The following CTNNA2 variants were observed in gnomAD, a reference collection of about 807,000 sequenced individuals.
CTNNA2 encodes the protein catenin alpha-2.
In CTNNA2, 42 loss-of-function variants were observed where a neutral mutation model predicts 101.0. That is an observed-to-expected ratio of 0.42 (90% confidence interval 0.32 to 0.54). The LOEUF is 0.54. Ranked by LOEUF, CTNNA2 falls within the 20% of genes least tolerant of loss-of-function variation. The pLI is 0.14. For synonymous variants in CTNNA2, 450 were observed against 456.4 expected, an observed-to-expected ratio of 0.99 and a Z score of 0.18; for missense variants, 871 against 1,223.1, an observed-to-expected ratio of 0.71 and a Z score of 4.29.
intron 2 of CTNNA2, among the ~76,000 whole-genome samples, chr2:79,723,089 G>T (rs1411850957): frequency 1.3e-5 from 2 of 152,050 alleles, no homozygotes; most frequent in Non-Finnish European, 2.9e-5. Context: ...TTTAAGTTTT[G>T]CTTTAGTATT....
chr2:79,529,393 AAGAGCTTACAGG>A (rs148964540), intron 1 of CTNNA2, among the ~76,000 whole-genome samples: 3,392 of 152,256 alleles, frequency 0.022, 135 homozygotes, highest in African/African-American at 0.078. Context: ...GTAAAATATG[AAGAGCTTACAGG>A]ACATCCAGAT....
chr2:79,785,703 C>T (rs191780128), intron 3 of CTNNA2, among the ~76,000 whole-genome samples: 1 of 151,860 alleles, frequency 6.6e-6, no homozygotes, highest in Non-Finnish European at 1.5e-5. Context: ...ATTTTCAGTG[C>T]CTAGAGAAGT....
intron 2 of CTNNA2, among the ~76,000 whole-genome samples, chr2:79,288,576 C>T (rs142371344): frequency 1.3e-5 from 2 of 152,252 alleles, no homozygotes; most frequent in Non-Finnish European, 2.9e-5. Context: ...CTCTCTCTCT[C>T]CCTCTCTCTT....
intron 3 of CTNNA2, among the ~76,000 whole-genome samples, chr2:79,331,186 C>T (rs778845089): frequency 6.6e-6 from 1 of 152,130 alleles, no homozygotes; most frequent in Non-Finnish European, 1.5e-5. Context: ...ATCTGCTCAT[C>T]TCAAATGGCT....
intron 7 of CTNNA2, among the ~76,000 whole-genome samples, chr2:80,384,410 C>T (rs1229531469): frequency 6.7e-6 from 1 of 148,560 alleles, no homozygotes; most frequent in Non-Finnish European, 1.5e-5. Context: ...TATCCCCGAA[C>T]CTCAAAGTTA....
At chr2:79,369,228 A>G (rs1376312880) in intron 3 of CTNNA2, among the ~76,000 whole-genome samples, 3 of 152,182 alleles carry the variant, frequency 2.0e-5, no homozygotes, top group Non-Finnish European at 4.4e-5. Context: ...GATAAAAACA[A>G]GAGCCATTTT....
chr2:80,576,181 A>G (rs1158073788), intron 13 of CTNNA2: 8 of 152,088 alleles, frequency 5.3e-5, no homozygotes, highest in African/African-American at 1.7e-4. Context: ...AGGATCCTGA[A>G]GGGTCAAATT....
At chr2:79,797,143 G>T (rs1004216095) in intron 3 of CTNNA2, among the ~76,000 whole-genome samples, 1 of 152,134 alleles carries the variant, frequency 6.6e-6, no homozygotes, top group Non-Finnish European at 1.5e-5. Flanking sequence ...GTAGGAAATA[G>T]GCTTTTTGTT....
rs777094292 is a variant in CTNNA2, at chr2:80,647,915, C to G, written c.*43C>G. On this transcript the variant is annotated 3_prime_UTR_variant, in exon 19 of 19. Coordinates refer to ENST00000402739, the MANE Select transcript of CTNNA2 (RefSeq NM_001282597.3). ...AGAAAGCTTTTTCTTTCTTTTCTTT[C>G]TTTCTTTTTCTTTTTAATTCCATTT... 2.0e-6 allele frequency: 3 copies of G among 1,515,860 alleles called. No individual in the cohort carries two copies. The highest frequency in any genetic ancestry group is 2.6e-6 in the Non-Finnish European group (3 of 1,132,192). 93.9% of individuals were successfully genotyped at this position (1,515,860 alleles called of 1,614,324 possible). A position where few individuals can be genotyped will look rare whatever the true frequency, so the allele number is the denominator to read the frequency against.
intron 7 of CTNNA2, among the ~76,000 whole-genome samples, chr2:80,193,927 T>G (rs1470310678): frequency 2.0e-5 from 3 of 152,148 alleles, no homozygotes; most frequent in Non-Finnish European, 4.4e-5. Context: ...TAAAACAAAA[T>G]CAAAAGGTGT....
chr2:79,290,385 C>T (rs960696931), intron 2 of CTNNA2, among the ~76,000 whole-genome samples: 2 of 152,104 alleles, frequency 1.3e-5, no homozygotes, highest in African/African-American at 4.8e-5. Flanking sequence ...GGGAAGGAAA[C>T]GGAGTGGTCC....
intron 7 of CTNNA2, among the ~76,000 whole-genome samples, chr2:80,101,966 C>A (rs1387849506): frequency 6.6e-6 from 1 of 152,110 alleles, no homozygotes; most frequent in Non-Finnish European, 1.5e-5. Flanking sequence ...TAGGACCATG[C>A]AATGTTTCTG....
chr2:80,377,671 T>A (rs1042115196), intron 7 of CTNNA2, among the ~76,000 whole-genome samples: 1 of 152,322 alleles, frequency 6.6e-6, no homozygotes, highest in Admixed American at 6.5e-5. Context: ...GATTTATTTA[T>A]CAAAGCATCC....
chr2:80,214,978 A>C (rs960522844), intron 7 of CTNNA2, among the ~76,000 whole-genome samples: 8 of 151,766 alleles, frequency 5.3e-5, no homozygotes, highest in Non-Finnish European at 1.0e-4. Context: ...TTTTCTCTAA[A>C]CTTCTCTTCT....
At chr2:80,199,447 T>A (rs568843916) in intron 7 of CTNNA2, among the ~76,000 whole-genome samples, 1 of 152,266 alleles carries the variant, frequency 6.6e-6, no homozygotes, top group South Asian at 2.1e-4. Context: ...TCTAAGATCA[T>A]CTCTGTCTTG....
At chr2:80,462,130 C>T (rs1184096440) in intron 9 of CTNNA2, among the ~76,000 whole-genome samples, 1 of 152,190 alleles carries the variant, frequency 6.6e-6, no homozygotes, top group Non-Finnish European at 1.5e-5. Flanking sequence ...GTATTCTAGG[C>T]ACTTTTAAAA....
chr2:79,507,361 T>C (rs1236681536), intron 5 of CTNNA2, among the ~76,000 whole-genome samples: 2 of 152,126 alleles, frequency 1.3e-5, no homozygotes, highest in African/African-American at 2.4e-5. Flanking sequence ...AGGTCATGAA[T>C]GGATTAATGC....
chr2:80,439,287 A>AC (rs2149439043), intron 9 of CTNNA2, among the ~76,000 whole-genome samples: 1 of 152,314 alleles, frequency 6.6e-6, no homozygotes, highest in East Asian at 1.9e-4. Context: ...CCCCTGCTGC[A>AC]TTTTAATGTT....
At chr2:80,011,583 G>A (rs1263876800) in intron 7 of CTNNA2, among the ~76,000 whole-genome samples, 3 of 111,014 alleles carry the variant, frequency 2.7e-5, no homozygotes, top group African/African-American at 5.3e-5. Context: ...GGAGATGAGT[G>A]TCCAGTGAGG....
Sources: gnomAD v4.1 joint callset for allele counts (sites outside exome capture counted in the v4.1 genomes callset) on GRCh38, gnomAD v4.1.1 for gene constraint, MANE v1.5 for transcripts, NCBI Gene and HGNC (gene_info 2026-07-23, HGNC 2026-07-21) for gene names.